Variants in MGAT5 observed in about 807,000 individuals in gnomAD.
MGAT5 encodes alpha-1,6-mannosylglycoprotein 6-beta-N-acetylglucosaminyltransferase A.
A neutral mutation model predicts 94.3 loss-of-function variants in MGAT5; 30 were observed. The observed-to-expected ratio is 0.32, with a 90% confidence interval of 0.24 to 0.43. The LOEUF (loss-of-function observed/expected upper bound fraction) is 0.43. MGAT5 is among the 20% of genes least tolerant of loss of function. The pLI is 1.00. For missense variants in MGAT5, 691 were observed against 905.5 expected (o/e 0.76, Z 3.04); for synonymous variants, 310 against 322.9 (o/e 0.96, Z 0.43).
At chr2:134,120,131 C>A (rs527474497), upstream of MGAT5, 1 of 153,452 alleles carries the variant, frequency 6.5e-6, no homozygotes, top group East Asian at 1.9e-4. Flanking sequence ...TGCCGCGGCC[C>A]GCTCGGCGGC....
At chr2:134,216,383 C>T (rs866280864) in intron 1 of MGAT5, among the ~76,000 whole-genome samples, 10 of 152,064 alleles carry the variant, frequency 6.6e-5, no homozygotes, top group African/African-American at 2.2e-4. Flanking sequence ...TGTTGTGATC[C>T]GATATACTTC....
At chr2:134,433,187 T>C (rs1372913517) in intron 14 of MGAT5, among the ~76,000 whole-genome samples, 1 of 152,246 alleles carries the variant, frequency 6.6e-6, no homozygotes, top group African/African-American at 2.4e-5. Context: ...GCATGATGTT[T>C]TGGGGGTTCA....
chr2:134,443,177 G>GT (rs369089887), intron 15 of MGAT5, among the ~76,000 whole-genome samples: 2 of 85,800 alleles, frequency 2.3e-5, no homozygotes, highest in African/African-American at 4.5e-5. Context: ...TGTAAGCTAT[G>GT]TTTTTTTTTG....
chr2:134,199,750 A>C (rs1200283303), intron 1 of MGAT5, among the ~76,000 whole-genome samples: 1 of 151,896 alleles, frequency 6.6e-6, no homozygotes, highest in Admixed American at 6.6e-5. Context: ...TTATTATTTG[A>C]ACCTTCAACT....
intron 1 of MGAT5, among the ~76,000 whole-genome samples, chr2:134,124,481 A>G (rs1156492321): frequency 1.3e-5 from 2 of 152,052 alleles, no homozygotes; most frequent in East Asian, 1.9e-4. Context: ...TCCTCTCGGG[A>G]CTCTGCCCAG....
chr2:134,344,818 C>A, intron 7 of MGAT5, 112 bp from the exon 8 acceptor site: 1 of 1,295,872 alleles, frequency 7.7e-7, no homozygotes, highest in Non-Finnish European at 1.1e-6. Context: ...ATGCTGTCAT[C>A]TCTAAAAAGG....
At chr2:134,415,128 T>C (rs1683894852) in intron 12 of MGAT5, among the ~76,000 whole-genome samples, 1 of 152,222 alleles carries the variant, frequency 6.6e-6, no homozygotes. Flanking sequence ...TTTGGATATA[T>C]ACCCAGCAGT....
intron 14 of MGAT5, among the ~76,000 whole-genome samples, chr2:134,430,708 A>G (rs1684832953): frequency 6.8e-6 from 1 of 147,314 alleles, no homozygotes; most frequent in African/African-American, 2.5e-5. Context: ...TCTGCAGTTC[A>G]CAGAAATCCA....
At position 134,453,710 on chromosome 2, in the gene MGAT5, C is replaced by T. The variant is rs570672688; in HGVS notation, c.*4863C>T. ...AAATTAAAGGTTATTCCCTGGCCGC[C>T]TCCTGGAGAAAACCAACCCCACCCT... is the stretch of plus-strand genomic sequence containing the variant. On this transcript the variant is annotated 3_prime_UTR_variant, in exon 16 of 16. Transcript: ENST00000281923. 2.0e-5 allele frequency: 3 copies of T among 152,344 alleles called. No individual in the cohort carries two copies. The highest frequency in any genetic ancestry group is 7.2e-5 in the African/African-American group (3 of 41,532). The allele number at this position is 152,344 out of a possible 1,614,324, so 9.4% of individuals were successfully genotyped here. A position where few individuals can be genotyped will look rare whatever the true frequency, so the allele number is the denominator to read the frequency against.
chr2:134,422,853 G>A lies in MGAT5; in HGVS notation c.1728G>A (p.Val576=). 1 of 1,613,984 alleles carries A rather than the reference G, an allele frequency of 6.2e-7. No individual in the cohort carries two copies. The highest frequency in any genetic ancestry group is 2.2e-5 in the East Asian group (1 of 44,878). The change falls in exon 13 of 16, where the codon GTG becomes GTA. Residue 576 remains valine, a synonymous_variant. Coordinates refer to ENST00000281923, the MANE Select transcript of MGAT5 (RefSeq NM_002410.5). ...YAEVFIGRPH[V]WTVDLNNQEE... is the part of the protein sequence containing the mutation. ...AAGTTTTCATCGGGCGGCCACATGTGTGGACTGTTGACCTCAACAATCAGG... is the reference window on the plus strand; with the variant it reads ...AAGTTTTCATCGGGCGGCCACATGTATGGACTGTTGACCTCAACAATCAGG...
At chr2:134,174,362 A>G (rs1688358881) in intron 1 of MGAT5, among the ~76,000 whole-genome samples, 2 of 152,238 alleles carry the variant, frequency 1.3e-5, no homozygotes, top group African/African-American at 2.4e-5. Context: ...ATTGGAATGG[A>G]TTTAGTTACT....
In MGAT5 at chr2:134,254,474, T is replaced by C; in HGVS notation, c.71T>C (p.Ile24Thr). 1 of 1,614,198 alleles carries C rather than the reference T, an allele frequency of 6.2e-7. No homozygotes were observed. The highest frequency in any genetic ancestry group is 8.5e-7 in the Non-Finnish European group (1 of 1,180,030). The change falls in exon 1 of 16, where the codon ATT (isoleucine) becomes ACT (threonine). Residue 24 changes from isoleucine (I) to threonine (T), a missense_variant. By Grantham distance (89) the Ile-to-Thr change is moderately conservative (BLOSUM62 -1). Transcript: ENST00000281923. The stretch of plus-strand genomic sequence containing the variant: ...TTTTTCCTGGTGACTTTTGGCTTCA[T>C]TTGGGGTATGATGCTTCTGCACTTT... Reference protein sequence around the residue: ...LGFFLVTFGFIWGMMLLHFTI... With the variant: ...LGFFLVTFGFTWGMMLLHFTI...
intron 1 of MGAT5, among the ~76,000 whole-genome samples, chr2:134,215,146 A>G (rs1294810686): frequency 1.3e-5 from 2 of 152,216 alleles, no homozygotes; most frequent in East Asian, 3.8e-4. Context: ...ATATACCAAA[A>G]TTTATTGATC....
intron 2 of MGAT5, among the ~76,000 whole-genome samples, chr2:134,309,575 T>C (rs540676198): frequency 6.6e-6 from 1 of 152,334 alleles, no homozygotes; most frequent in South Asian, 2.1e-4. Flanking sequence ...TGATAAGCTC[T>C]GCCTACTTTT....
chr2:134,301,544 T>G (rs1456878971), intron 2 of MGAT5, among the ~76,000 whole-genome samples: 1 of 152,194 alleles, frequency 6.6e-6, no homozygotes, highest in Non-Finnish European at 1.5e-5. Flanking sequence ...TACTTTTTTT[T>G]GGTTAATTTT....
upstream of MGAT5, among the ~76,000 whole-genome samples, chr2:134,249,161 C>T (rs60419094): frequency 0.14 from 20,801 of 151,942 alleles, 3,273 homozygotes; most frequent in African/African-American, 0.38. Flanking sequence ...CATCTGCCTG[C>T]TCTAAGCCAA....
intron 1 of MGAT5, among the ~76,000 whole-genome samples, chr2:134,166,344 T>G (rs148895879): frequency 6.6e-6 from 1 of 152,348 alleles, no homozygotes; most frequent in African/African-American, 2.4e-5. Flanking sequence ...GTCTTCAGAA[T>G]TCTGACTTTT....
chr2:134,385,745 G>A (rs954339315), intron 10 of MGAT5, among the ~76,000 whole-genome samples: 1 of 152,172 alleles, frequency 6.6e-6, no homozygotes, highest in African/African-American at 2.4e-5. Flanking sequence ...AAAATGAAAA[G>A]TTTTGACAAT....
chr2:134,330,372 G>A lies in MGAT5; in HGVS notation c.574-5845G>A, dbSNP rs181848700. Among the ~76,000 whole-genome samples the A allele has an allele frequency of 5.3e-4, 81 of 152,178 alleles. 1 individual carries two copies. Among genetic ancestry groups the A allele is most frequent in the Admixed American group, 4.4e-3 (67 of 15,284 alleles). ...AAATAGGTCTCTTATCCCTCACTAA[G>A]CTTGGCCTAAAGGTAACTCTAATGT... On this transcript the variant is annotated intron_variant, in intron 4 of 15. Transcript: ENST00000281923.
Sources: allele counts gnomAD v4.1 joint callset (sites outside exome capture counted in the v4.1 genomes callset), GRCh38; gene constraint gnomAD v4.1.1; transcripts MANE v1.5; gene names NCBI Gene and HGNC (gene_info 2026-07-23, HGNC 2026-07-21).